The following CAPN8 variants were observed in gnomAD, a reference collection of about 807,000 sequenced individuals.
CAPN8 encodes calpain 8.
CAPN8 carries 87 observed loss-of-function variants against 80.9 expected under a neutral mutation model. That is an observed-to-expected ratio of 1.07 (90% confidence interval 0.90 to 1.28). CAPN8 has a LOEUF of 1.28. CAPN8 is among the 50% of genes most tolerant of loss of function. The probability of loss-of-function intolerance (pLI) is 0.00; values close to 1 mark genes in which losing one functional copy is unlikely to be tolerated. For missense variants in CAPN8, 757 were observed against 702.0 expected, an observed-to-expected ratio of 1.08 and a Z score of -0.89; for synonymous variants, 299 against 273.8, an observed-to-expected ratio of 1.09 and a Z score of -0.91.
intron 2 of CAPN8, among the ~76,000 whole-genome samples, chr1:223,648,850 C>G (rs1040905694): frequency 2.0e-5 from 3 of 152,156 alleles, no homozygotes; most frequent in African/African-American, 7.2e-5. Flanking sequence ...CAGGCACAAA[C>G]ACACGGAGTA....
At chr1:223,621,224 C>A (rs1657380246) in intron 7 of CAPN8, among the ~76,000 whole-genome samples, 1 of 143,966 alleles carries the variant, frequency 6.9e-6, no homozygotes, top group Non-Finnish European at 1.5e-5. Context: ...TGACCTACTG[C>A]TCCAATTTCT....
At chr1:223,620,477 C>T (rs1451917323) in intron 7 of CAPN8, among the ~76,000 whole-genome samples, 1 of 152,188 alleles carries the variant, frequency 6.6e-6, no homozygotes, top group Non-Finnish European at 1.5e-5. Flanking sequence ...GGCACTAGCA[C>T]GATGGCCTTG....
chr1:223,656,636 A>G (rs895876515), intron 1 of CAPN8, among the ~76,000 whole-genome samples: 1 of 151,060 alleles, frequency 6.6e-6, no homozygotes, highest in Non-Finnish European at 1.5e-5. Context: ...TTCTGATATG[A>G]AAGCATATTT....
intron 10 of CAPN8, among the ~76,000 whole-genome samples, chr1:223,614,992 C>T (rs1260786541): frequency 6.6e-6 from 1 of 152,250 alleles, no homozygotes; most frequent in Non-Finnish European, 1.5e-5. Flanking sequence ...AATATACTCG[C>T]ATGCTCGTGC....
intron 2 of CAPN8, among the ~76,000 whole-genome samples, chr1:223,642,422 C>T (rs962822032): frequency 2.6e-5 from 4 of 152,178 alleles, no homozygotes; most frequent in African/African-American, 4.8e-5. Context: ...ATAGGTTTCC[C>T]GGCACCTCCA....
chr1:223,625,719 A>T, intron 6 of CAPN8, 86 bp downstream of exon 6: 1 of 1,212,366 alleles, frequency 8.2e-7, no homozygotes, highest in Non-Finnish European at 1.2e-6. Flanking sequence ...TTCTAGTAGT[A>T]ATCACCTCTT....
chr1:223,543,986 G>A, intron 19 of CAPN8, 81 bp downstream of exon 19: 1 of 689,196 alleles, frequency 1.5e-6, no homozygotes. Context: ...GGCAATGTCT[G>A]GTTCTGCCCC....
chr1:223,639,446 A>G (rs1657989910), intron 2 of CAPN8, among the ~76,000 whole-genome samples: 1 of 152,248 alleles, frequency 6.6e-6, no homozygotes, highest in Admixed American at 6.5e-5. Context: ...TCGGGAAGCC[A>G]TCAGGCTGGG....
chr1:223,627,018 C>G lies in CAPN8; in HGVS notation c.700G>C (p.Ala234Pro), dbSNP rs1394005066. Residue 234 changes from alanine to proline, a missense_variant, in exon 5 of 21, where the codon GCG (alanine) becomes CCG (proline). Physicochemically the swap from Ala to Pro is conservative, Grantham distance 27 (BLOSUM62 -1). Coordinates refer to ENST00000366872, the MANE Select transcript of CAPN8 (RefSeq NM_001143962.2). Reference sequence around the variant, plus strand: ...ATGGAGCAGCCCAGCAGAGACCCCGCACAGAGGGCCTTCCGGATGATCTGA... The same window carrying G: ...ATGGAGCAGCCCAGCAGAGACCCCGGACAGAGGGCCTTCCGGATGATCTGA... Reference protein sequence around the residue: ...LYQIIRKALCAGSLLGCSIDV... With the variant: ...LYQIIRKALCPGSLLGCSIDV... The G allele has an allele frequency of 6.4e-7, 1 of 1,551,868 alleles. No individual in the cohort carries two copies. Among genetic ancestry groups the G allele is most frequent in the Non-Finnish European group, 8.7e-7 (1 of 1,147,030 alleles).
intron 16 of CAPN8, among the ~76,000 whole-genome samples, 173 bp downstream of exon 16, chr1:223,549,145 A>G (rs1308032110): frequency 6.6e-6 from 1 of 152,164 alleles, no homozygotes; most frequent in African/African-American, 2.4e-5. Context: ...CATCCATGAT[A>G]TGATACATTT....
intron 7 of CAPN8, among the ~76,000 whole-genome samples, chr1:223,621,803 G>A (rs1657401289): frequency 6.6e-6 from 1 of 152,008 alleles, no homozygotes; most frequent in Non-Finnish European, 1.5e-5. Context: ...GTATTGGGAG[G>A]GGGCATTATT....
At chr1:223,662,496 A>G (rs965454132) in intron 1 of CAPN8, among the ~76,000 whole-genome samples, 2 of 152,028 alleles carry the variant, frequency 1.3e-5, no homozygotes, top group African/African-American at 4.8e-5. Flanking sequence ...AAGAAAGGAA[A>G]CGAAATTCGG....
chr1:223,613,703 G>A (rs1013542192), intron 10 of CAPN8, among the ~76,000 whole-genome samples: 1 of 152,218 alleles, frequency 6.6e-6, no homozygotes, highest in African/African-American at 2.4e-5. Context: ...CAGACAAGGA[G>A]GGCTCTTTAG....
At chr1:223,642,421 C>T (rs1312702122) in intron 2 of CAPN8, among the ~76,000 whole-genome samples, 2 of 152,140 alleles carry the variant, frequency 1.3e-5, no homozygotes, top group Non-Finnish European at 2.9e-5. Flanking sequence ...CATAGGTTTC[C>T]CGGCACCTCC....
At chr1:223,545,471 G>T in intron 16 of CAPN8, 172 bp from the exon 17 acceptor site, 1 of 1,062,678 alleles carries the variant, frequency 9.4e-7, no homozygotes, top group Non-Finnish European at 1.3e-6. Flanking sequence ...AGATTAAAAA[G>T]TCAAACGTGC....
At position 223,616,164 on chromosome 1, in the gene CAPN8, A is replaced by ATGG. The variant is rs1657179178; in HGVS notation, c.1136-22_1136-20dup. On this transcript the variant is annotated intron_variant, in intron 9 of 20. Coordinates refer to ENST00000366872, the MANE Select transcript of CAPN8 (RefSeq NM_001143962.2). ...TACGTGGCTGGAAGTCACCCAGGTG[A>ATGG]TGGTGGTTCCCCACGTAGCGGGTGA... is the stretch of plus-strand genomic sequence containing the variant. 2 of 1,540,216 alleles carry ATGG rather than the reference A, an allele frequency of 1.3e-6. No individual in the cohort carries two copies. Among genetic ancestry groups the ATGG allele is most frequent in the Admixed American group, 2.0e-5 (1 of 50,502 alleles).
intron 6 of CAPN8, among the ~76,000 whole-genome samples, chr1:223,625,233 T>A (rs61825184): frequency 3.3e-5 from 5 of 151,658 alleles, no homozygotes; most frequent in African/African-American, 9.7e-5. Flanking sequence ...CCCCTTTTCC[T>A]GTTTTGGGAT....
intron 9 of CAPN8, chr1:223,618,125 C>T (rs942940645): frequency 1.7e-6 from 2 of 1,153,908 alleles, no homozygotes; most frequent in East Asian, 2.6e-5. Context: ...AGTCAATCAA[C>T]AGATCAACAG....
intron 1 of CAPN8, among the ~76,000 whole-genome samples, chr1:223,664,042 G>A (rs1378503528): frequency 6.6e-6 from 1 of 152,184 alleles, no homozygotes; most frequent in East Asian, 1.9e-4. Flanking sequence ...CACTTTGTAT[G>A]GATGAGCTCA....
Sources: gnomAD v4.1 joint callset for allele counts (sites outside exome capture counted in the v4.1 genomes callset) on GRCh38, gnomAD v4.1.1 for gene constraint, MANE v1.5 for transcripts, NCBI Gene and HGNC (gene_info 2026-07-23, HGNC 2026-07-21) for gene names.